CYP20A1: variants seen among roughly 807,000 people sequenced by gnomAD.
The protein encoded by CYP20A1 is cytochrome P450 20A1.
Under a neutral mutation model 61.4 loss-of-function variants are expected in CYP20A1, and 61 were observed. That is an observed-to-expected ratio of 0.99 (90% CI 0.81 to 1.23). The LOEUF is 1.23. Among genes scored for constraint, CYP20A1 ranks in the 50% most tolerant of loss-of-function variants. The pLI is 0.00. For missense variants in CYP20A1, 530 were observed against 542.4 expected, an observed-to-expected ratio of 0.98 and a Z score of 0.23; for synonymous variants, 193 against 188.2, an observed-to-expected ratio of 1.03 and a Z score of -0.21.
Position 203,297,246 on chromosome 2 carries a change from G to A in CYP20A1, c.*338G>A, listed in dbSNP as rs1286957653. On this transcript the variant is annotated 3_prime_UTR_variant, in exon 13 of 13. Coordinates refer to ENST00000356079, the MANE Select transcript of CYP20A1 (RefSeq NM_177538.3). The stretch of plus-strand genomic sequence containing the variant: ...AAAAAGAAATTATTTTGCAGAAGTT[G>A]GGGAATCATGTTTGTTGAATATGTA... 1 of 191,488 alleles carries A rather than the reference G, an allele frequency of 5.2e-6. No homozygotes were observed. The highest frequency in any genetic ancestry group is 2.4e-5 in the African/African-American group (1 of 41,718). 11.9% of individuals were successfully genotyped at this position (191,488 alleles called of 1,614,324 possible). A position where few individuals can be genotyped will look rare whatever the true frequency, so the allele number is the denominator to read the frequency against.
intron 9 of CYP20A1, among the ~76,000 whole-genome samples, chr2:203,286,860 G>A (rs2068293505): frequency 6.6e-6 from 1 of 151,826 alleles, no homozygotes; most frequent in Non-Finnish European, 1.5e-5. Context: ...GATTGCTTCT[G>A]GGTTAGAAGT....
intron 8 of CYP20A1, among the ~76,000 whole-genome samples, chr2:203,280,513 G>A (rs1462047371): frequency 6.6e-6 from 1 of 152,142 alleles, no homozygotes; most frequent in African/African-American, 2.4e-5. Flanking sequence ...GACCAGTCTG[G>A]GCAACATAGT....
chr2:203,294,940 AATTTTTTTTTTTTTTTTT>A (rs2068718304), intron 11 of CYP20A1, among the ~76,000 whole-genome samples: 1 of 91,250 alleles, frequency 1.1e-5, no homozygotes, highest in Non-Finnish European at 2.0e-5. Flanking sequence ...CCTTTAAAAA[AATTTTTTTTTTTTTTTTT>A]TTTTTTTTTT....
rs1267621252 is a variant in CYP20A1, at chr2:203,301,247, T to C, written c.*4339T>C. Among the ~76,000 whole-genome samples the C allele has an allele frequency of 1.3e-5, 2 of 150,826 alleles. No individual in the cohort carries two copies. The highest frequency in any genetic ancestry group is 4.9e-5 in the African/African-American group (2 of 41,222). ...TAACTTTTTTTCTTTTTCTTTTCTT[T>C]CTTTCTTTTCTTTTCTTTTTTTTTT... On this transcript the variant is annotated 3_prime_UTR_variant, in exon 13 of 13. Transcript: ENST00000356079.
rs574830773 is a variant in CYP20A1 at position 203,255,845 on chromosome 2, C to T, written c.432+3736C>T. 6.4e-4 allele frequency among the ~76,000 whole-genome samples: 98 copies of T among 152,328 alleles called. 1 individual carries two copies. Among genetic ancestry groups the T allele is most frequent in the African/African-American group, 2.3e-3 (96 of 41,576 alleles). ...TATTCCCATTGCGTGGAATGCACCT[C>T]CAGTCATCCACACACCAAGCTAATG... On this transcript the variant is annotated intron_variant, in intron 4 of 12. Transcript: ENST00000356079.
At chr2:203,294,555 A>G (rs879357216) in intron 11 of CYP20A1, among the ~76,000 whole-genome samples, 1 of 152,160 alleles carries the variant, frequency 6.6e-6, no homozygotes, top group Non-Finnish European at 1.5e-5. Context: ...AATAATGATA[A>G]TAATCACACA....
intron 9 of CYP20A1, among the ~76,000 whole-genome samples, chr2:203,287,734 G>A (rs1299253389): frequency 6.6e-6 from 1 of 151,856 alleles, no homozygotes; most frequent in Non-Finnish European, 1.5e-5. Context: ...ATTTTTAAAA[G>A]TTTAAGCTCT....
chr2:203,241,527 A>G (rs1414791912), intron 1 of CYP20A1, among the ~76,000 whole-genome samples: 1 of 152,252 alleles, frequency 6.6e-6, no homozygotes, highest in Non-Finnish European at 1.5e-5. Context: ...AGAGCCAGCA[A>G]AGGAGACTGA....
chr2:203,275,720 G>A (rs767114877), intron 6 of CYP20A1, among the ~76,000 whole-genome samples: 14 of 152,278 alleles, frequency 9.2e-5, no homozygotes, highest in Admixed American at 3.9e-4. Context: ...GATTACAGGC[G>A]TGAGCCACCG....
intron 4 of CYP20A1, among the ~76,000 whole-genome samples, chr2:203,254,249 T>C (rs1158819836): frequency 6.6e-6 from 1 of 152,138 alleles, no homozygotes. Context: ...CCGGCCTTGT[T>C]CTTTTATTTT....
chr2:203,269,317 G>T, intron 5 of CYP20A1, among the ~76,000 whole-genome samples: 1 of 146,554 alleles, frequency 6.8e-6, no homozygotes, highest in South Asian at 2.2e-4. Flanking sequence ...GTGAAGTGTG[G>T]TGGCATGCAC....
rs565831663 is a variant in CYP20A1, at chr2:203,257,039, A to T, written c.432+4930A>T. ...TTTTTTTTGTTTTTTATTATTTTTT[A>T]AAATTTTCACATACAGTTGGGGTCT... On this transcript the variant is annotated intron_variant, in intron 4 of 12. Coordinates refer to ENST00000356079, the MANE Select transcript of CYP20A1 (RefSeq NM_177538.3). Among the ~76,000 whole-genome samples the T allele has an allele frequency of 2.8e-4, 42 of 151,890 alleles. No homozygotes were observed. The South Asian group carries it at 8.1e-3, about 29-fold the overall frequency.
chr2:203,280,567 G>C (rs575536109), intron 8 of CYP20A1, among the ~76,000 whole-genome samples: 23 of 152,304 alleles, frequency 1.5e-4, no homozygotes, highest in Middle Eastern at 6.8e-3. Context: ...TGGGTGTGGT[G>C]GCGCATGCCT....
intron 1 of CYP20A1, among the ~76,000 whole-genome samples, chr2:203,239,652 C>T (rs1026902611): frequency 2.0e-5 from 3 of 152,172 alleles, no homozygotes; most frequent in African/African-American, 7.2e-5. Flanking sequence ...CCAGGTCTTG[C>T]TCCTCTTAGG....
intron 9 of CYP20A1, 100 bp from the exon 10 acceptor site, chr2:203,289,665 G>A: frequency 2.0e-6 from 1 of 506,166 alleles, no homozygotes; most frequent in Non-Finnish European, 3.6e-6. Flanking sequence ...TTTCAAGTTG[G>A]GAATGTTTGA....
intron 1 of CYP20A1, 137 bp from the exon 2 acceptor site, chr2:203,245,709 A>G (rs961102682): frequency 1.4e-5 from 7 of 515,178 alleles, no homozygotes; most frequent in Admixed American, 3.9e-5. Flanking sequence ...CTTTTTTTGT[A>G]TTTTAATATG....
chr2:203,265,375 A>T (rs2067283025), intron 4 of CYP20A1, among the ~76,000 whole-genome samples: 2 of 152,206 alleles, frequency 1.3e-5, no homozygotes, highest in South Asian at 4.1e-4. Flanking sequence ...TTCTTGGCTT[A>T]TTATAATCTA....
In CYP20A1 at chr2:203,252,004, G is replaced by C; in HGVS notation, c.327G>C (p.Arg109Ser). 1 of 1,608,872 alleles carries C rather than the reference G, an allele frequency of 6.2e-7. No individual in the cohort carries two copies. Among genetic ancestry groups the C allele is most frequent in the Non-Finnish European group, 8.5e-7 (1 of 1,177,346 alleles). The stretch of plus-strand genomic sequence containing the variant: ...AAACCATGCTGAAGTCATTATTAAG[G>C]TATCAATCTGGTGGTGGCAGTGTGA... The part of the protein sequence containing the change: ...PFETMLKSLL[R>S]YQSGGGSVSE... Residue 109 changes from arginine (R) to serine (S), a missense_variant, in exon 4 of 13, where the codon AGG becomes AGC. Transcript: ENST00000356079.
At chr2:203,273,198 T>A (rs959513090) in intron 6 of CYP20A1, among the ~76,000 whole-genome samples, 5 of 152,204 alleles carry the variant, frequency 3.3e-5, no homozygotes, top group Non-Finnish European at 5.9e-5. Flanking sequence ...AATGAAAGTT[T>A]TCTTTAACAG....
Sources: allele counts gnomAD v4.1 joint callset (sites outside exome capture counted in the v4.1 genomes callset), GRCh38; gene constraint gnomAD v4.1.1; transcripts MANE v1.5; gene names NCBI Gene and HGNC (gene_info 2026-07-23, HGNC 2026-07-21).